The following NRG2 variants were observed in gnomAD, a reference collection of about 807,000 sequenced individuals.
NRG2 encodes the protein neuregulin 2, also known as pro-neuregulin-2, membrane-bound isoform.
NRG2 carries 27 observed loss-of-function variants against 73.9 expected under a neutral mutation model. That is an observed-to-expected ratio of 0.37 (90% confidence interval 0.27 to 0.50). The LOEUF is 0.50. NRG2 is among the 20% of genes least tolerant of loss of function. The probability of loss-of-function intolerance (pLI) is 0.96; values close to 1 mark genes in which losing one functional copy is unlikely to be tolerated. For synonymous variants in NRG2, 532 were observed against 541.0 expected, an observed-to-expected ratio of 0.98 and a Z score of 0.23; for missense variants, 1,126 against 1,210.1, an observed-to-expected ratio of 0.93 and a Z score of 1.03.
intron 1 of NRG2, among the ~76,000 whole-genome samples, chr5:139,976,294 A>T (rs920719151): frequency 6.6e-6 from 1 of 152,216 alleles, no homozygotes; most frequent in East Asian, 1.9e-4. Flanking sequence ...AATGGGTTTC[A>T]TTTGTGTTGC....
rs1251173078 is a variant in NRG2, at chr5:139,904,642, C to T, written c.701-17131G>A. 1.3e-5 allele frequency among the ~76,000 whole-genome samples: 2 copies of T among 152,132 alleles called. No individual in the cohort carries two copies. The highest frequency in any genetic ancestry group is 2.9e-5 in the Non-Finnish European group (2 of 67,990). On this transcript the variant is annotated intron_variant, in intron 1 of 9. Coordinates refer to ENST00000361474, the MANE Select transcript of NRG2 (RefSeq NM_004883.3). This position sits in a 1 kb window ranked among gnomAD's most constrained non-coding sequence, Gnocchi z 6.0. The stretch of plus-strand genomic sequence containing the variant: ...CTGGGCCCTAGGCCCCCTCCCTGGG[C>T]CCACCGAGGTAGGCAAGACCGGCGC...
intron 1 of NRG2, among the ~76,000 whole-genome samples, chr5:139,965,293 C>T (rs1432352030): frequency 6.6e-6 from 1 of 152,218 alleles, no homozygotes; most frequent in Non-Finnish European, 1.5e-5. Context: ...GGGGACAGTA[C>T]CCCAGAGGGA....
At chr5:140,030,836 G>A (rs575966138) in intron 1 of NRG2, among the ~76,000 whole-genome samples, 6 of 152,184 alleles carry the variant, frequency 3.9e-5, no homozygotes, top group Non-Finnish European at 8.8e-5. Context: ...CTGAGCTCTG[G>A]AGGTGCCATC....
intron 1 of NRG2, among the ~76,000 whole-genome samples, chr5:139,943,957 A>G (rs1294863118): frequency 6.6e-6 from 1 of 152,224 alleles, no homozygotes. Flanking sequence ...TTATTTATGG[A>G]CACAGTTTTG....
chr5:139,989,118 A>T (rs917802981), intron 1 of NRG2, among the ~76,000 whole-genome samples: 2 of 152,034 alleles, frequency 1.3e-5, no homozygotes, highest in Admixed American at 6.6e-5. Context: ...GCAGACTGTT[A>T]AATTATGGAA....
chr5:139,967,974 A>AAATT (rs1755668321), intron 1 of NRG2, among the ~76,000 whole-genome samples: 1 of 144,502 alleles, frequency 6.9e-6, no homozygotes, highest in Non-Finnish European at 1.5e-5. Flanking sequence ...ATAAAACATA[A>AAATT]AAATAAATAA....
chr5:139,908,936 C>G (rs1321780827), intron 1 of NRG2, among the ~76,000 whole-genome samples: 1 of 152,190 alleles, frequency 6.6e-6, no homozygotes, highest in Admixed American at 6.5e-5. Context: ...TGGCCTGGAC[C>G]AGGGCTCTTG....
At chr5:139,932,819 A>G (rs188256261) in intron 1 of NRG2, among the ~76,000 whole-genome samples, 9 of 152,312 alleles carry the variant, frequency 5.9e-5, no homozygotes, top group Admixed American at 5.9e-4. Flanking sequence ...AAGAAGAAAA[A>G]GAACTGAAGT....
rs185762584 is a variant in NRG2 at position 139,876,127 on chromosome 5, T to C, written c.992-4286A>G. Among the ~76,000 whole-genome samples, 3 of 152,252 alleles carry C rather than the reference T, an allele frequency of 2.0e-5. No individual in the cohort carries two copies. The East Asian group carries it at 5.8e-4, about 29-fold the overall frequency. ...CAAATGACCCAAGAATCCAAACTTA[T>C]GAGTGGATAAATAAAATGTGGTATG... On this transcript the variant is annotated intron_variant, in intron 3 of 9. Coordinates refer to ENST00000361474, the MANE Select transcript of NRG2 (RefSeq NM_004883.3).
chr5:139,954,129 C>G lies in NRG2; in HGVS notation c.701-66618G>C, dbSNP rs1246776945. 6.6e-6 allele frequency among the ~76,000 whole-genome samples: 1 copy of G among 152,140 alleles called. No individual in the cohort carries two copies. Among genetic ancestry groups the G allele is most frequent in the Non-Finnish European group, 1.5e-5 (1 of 68,004 alleles). ...GACACAGAGCAAGCATGAGGCCAGG[C>G]TGGCGGTTCTCTCCCCTTGCCTCCT... On this transcript the variant is annotated intron_variant, in intron 1 of 9. Coordinates refer to ENST00000361474, the MANE Select transcript of NRG2 (RefSeq NM_004883.3). The surrounding 1 kb of genome is among the most constrained non-coding windows in gnomAD (Gnocchi z 5.0).
At chr5:139,957,615 C>A (rs1002796297) in intron 1 of NRG2, among the ~76,000 whole-genome samples, 9 of 152,202 alleles carry the variant, frequency 5.9e-5, no homozygotes, top group African/African-American at 2.2e-4. Flanking sequence ...CAGGTCCAAT[C>A]TCTGCCTGAT....
intron 1 of NRG2, among the ~76,000 whole-genome samples, chr5:140,019,938 G>A (rs1461839564): frequency 6.6e-6 from 1 of 152,092 alleles, no homozygotes; most frequent in African/African-American, 2.4e-5. Context: ...TTTTTTAGTA[G>A]AGACAGGGTT....
intron 1 of NRG2, among the ~76,000 whole-genome samples, chr5:139,939,260 CT>C (rs59868638): frequency 7.3e-6 from 1 of 136,726 alleles, no homozygotes; most frequent in African/African-American, 2.7e-5. Context: ...TTCTTTCTTT[CT>C]TTTTCTTTCT....
intron 1 of NRG2, among the ~76,000 whole-genome samples, chr5:140,007,713 ACT>A (rs765060262): frequency 1.7e-4 from 26 of 152,042 alleles, no homozygotes; most frequent in Admixed American, 3.3e-4. Flanking sequence ...GCTTTTGGAA[ACT>A]CTCTTCCATC....
intron 1 of NRG2, among the ~76,000 whole-genome samples, chr5:140,035,146 T>C (rs2916091): frequency 0.035 from 5,379 of 152,236 alleles, 307 homozygotes; most frequent in African/African-American, 0.12. Flanking sequence ...TTTTTTATTA[T>C]TCCATAAACA....
In NRG2 at chr5:139,852,556, T is replaced by G. The variant is rs564092459; in HGVS notation, c.1420A>C (p.Ile474Leu). 6.2e-7 allele frequency: 1 copy of G among 1,613,684 alleles called. No homozygotes were observed. The highest frequency in any genetic ancestry group is 8.5e-7 in the Non-Finnish European group (1 of 1,179,824). The change falls in exon 8 of 10, where the codon ATT becomes CTT. Residue 474 changes from isoleucine to leucine, a missense_variant. Ile to Leu is a conservative substitution (Grantham distance 5, BLOSUM62 2). Around this residue, in one of 3 missense-constraint regions of NRG2, gnomAD observed 539 missense variants for 703.2 expected, o/e 0.77. Coordinates refer to ENST00000361474, the MANE Select transcript of NRG2 (RefSeq NM_004883.3). This position sits in a 1 kb window ranked among gnomAD's most constrained non-coding sequence, Gnocchi z 4.4. ...TCTGTGGCTGGCACGTTCTTGGAAA[T>G]ATACTGGAACAGACAGAGTTGGGCG... is the stretch of plus-strand genomic sequence containing the variant. ...DPEEIQMADY[I>L]SKNVPATDHV...
At chr5:139,855,284 G>A (rs1271363581) in intron 6 of NRG2, among the ~76,000 whole-genome samples, 2 of 152,190 alleles carry the variant, frequency 1.3e-5, no homozygotes, top group Non-Finnish European at 2.9e-5. Flanking sequence ...GGAGCCTGTG[G>A]GGTCAGCTGC....
intron 1 of NRG2, among the ~76,000 whole-genome samples, chr5:139,893,494 A>G (rs1238113774): frequency 6.6e-6 from 1 of 152,032 alleles, no homozygotes; most frequent in African/African-American, 2.4e-5. Context: ...AGTTCCCAGC[A>G]CTCTGCACCC....
At chr5:139,880,134 G>A (rs1763432675) in intron 3 of NRG2, among the ~76,000 whole-genome samples, 3 of 152,152 alleles carry the variant, frequency 2.0e-5, no homozygotes, top group Admixed American at 2.0e-4. Context: ...AGTGATCTGT[G>A]GGATTTAAGG....
Sources: allele counts gnomAD v4.1 joint callset (sites outside exome capture counted in the v4.1 genomes callset), GRCh38; gene constraint gnomAD v4.1.1; regional missense constraint gnomAD v4.1.1; non-coding constraint Gnocchi (gnomAD v3.1); transcripts MANE v1.5; gene names NCBI Gene and HGNC (gene_info 2026-07-23, HGNC 2026-07-21).